The following SGIP1 variants were observed in gnomAD, a reference collection of about 807,000 sequenced individuals.
The protein encoded by SGIP1 is SH3GL interacting endocytic adaptor 1.
SGIP1 carries 38 observed loss-of-function variants against 107.5 expected under a neutral mutation model. That is an observed-to-expected ratio of 0.35 (90% confidence interval 0.27 to 0.46). The LOEUF (loss-of-function observed/expected upper bound fraction) is 0.46. Ranked by LOEUF, SGIP1 falls within the 20% of genes least tolerant of loss-of-function variation. The pLI is 1.00. For missense variants in SGIP1, 929 were observed against 1,019.5 expected, an observed-to-expected ratio of 0.91 and a Z score of 1.21; for synonymous variants, 365 against 366.1, an observed-to-expected ratio of 1.00 and a Z score of 0.03.
chr1:66,571,273 A>G (rs2060340347), intron 1 of SGIP1, among the ~76,000 whole-genome samples: 1 of 152,032 alleles, frequency 6.6e-6, no homozygotes, highest in Non-Finnish European at 1.5e-5. Context: ...CAACGTTAAC[A>G]AGGTGGAGGG....
At chr1:66,578,134 G>A (rs1384185618) in intron 1 of SGIP1, among the ~76,000 whole-genome samples, 3 of 152,018 alleles carry the variant, frequency 2.0e-5, no homozygotes, top group Admixed American at 2.0e-4. Context: ...GCATTATTGG[G>A]GGTAGAAAAT....
chr1:66,663,094 C>G (rs559271650), intron 8 of SGIP1, among the ~76,000 whole-genome samples: 3 of 152,206 alleles, frequency 2.0e-5, no homozygotes, highest in East Asian at 1.9e-4. Flanking sequence ...GGATGCTCAT[C>G]ATCTCTCTGA....
At chr1:66,580,545 A>G (rs1246356461) in intron 1 of SGIP1, among the ~76,000 whole-genome samples, 1 of 152,156 alleles carries the variant, frequency 6.6e-6, no homozygotes, top group African/African-American at 2.4e-5. Context: ...GTTTATTTGT[A>G]CATCATCTGT....
intron 15 of SGIP1, among the ~76,000 whole-genome samples, chr1:66,685,557 AT>A (rs577903318): frequency 7.2e-5 from 11 of 152,208 alleles, no homozygotes; most frequent in Non-Finnish European, 1.5e-4. Context: ...TCAGTGCAAC[AT>A]TTTCCAACTT....
At chr1:66,596,159 G>T (rs139771178) in intron 1 of SGIP1, among the ~76,000 whole-genome samples, 1 of 152,224 alleles carries the variant, frequency 6.6e-6, no homozygotes, top group Non-Finnish European at 1.5e-5. Context: ...GGCAGCTGGC[G>T]TGCCCCAGCT....
intron 18 of SGIP1, among the ~76,000 whole-genome samples, chr1:66,703,473 C>A (rs977824973): frequency 6.6e-6 from 1 of 151,420 alleles, no homozygotes; most frequent in South Asian, 2.1e-4. Context: ...TAGAAAGATT[C>A]CTCAATTAAT....
intron 1 of SGIP1, among the ~76,000 whole-genome samples, chr1:66,576,540 G>A (rs1333542335): frequency 1.3e-5 from 2 of 152,130 alleles, no homozygotes; most frequent in East Asian, 1.9e-4. Flanking sequence ...ATGCACATGT[G>A]AACACTCAAG....
chr1:66,689,780 G>C (rs2089396065), intron 16 of SGIP1, among the ~76,000 whole-genome samples: 1 of 152,220 alleles, frequency 6.6e-6, no homozygotes, highest in African/African-American at 2.4e-5. Context: ...ACTTGTGGCA[G>C]AAGTAGATTT....
At chr1:66,671,916 T>C (rs1355214806) in intron 10 of SGIP1, 28 bp from the exon 11 acceptor site, 1 of 1,612,780 alleles carries the variant, frequency 6.2e-7, no homozygotes, top group Non-Finnish European at 8.5e-7. Flanking sequence ...AAAATTTGTC[T>C]AAAAAGTTCC....
intron 1 of SGIP1, among the ~76,000 whole-genome samples, chr1:66,604,846 C>G (rs2066522232): frequency 6.6e-6 from 1 of 152,244 alleles, no homozygotes; most frequent in Non-Finnish European, 1.5e-5. Flanking sequence ...CTCAAGCCAA[C>G]ATCCAATCAT....
At chr1:66,549,909 T>C (rs2057135445) in intron 1 of SGIP1, among the ~76,000 whole-genome samples, 1 of 152,136 alleles carries the variant, frequency 6.6e-6, no homozygotes, top group African/African-American at 2.4e-5. Context: ...CCTAAATAAG[T>C]GTCATCTAAA....
At chr1:66,533,648 CACTG>C (rs1197767563), upstream of SGIP1, 6 of 152,188 alleles carry the variant, frequency 3.9e-5, no homozygotes, top group African/African-American at 1.4e-4. Flanking sequence ...AGGCCACAGA[CACTG>C]ACATTTGGAA....
Position 66,683,700 on chromosome 1 carries a change from C to CTTTTTTTTTTTTTTTTTTTTTTTT in SGIP1, c.1315+1336_1315+1359dup, listed in dbSNP as rs869266510. 4.6e-4 allele frequency among the ~76,000 whole-genome samples: 28 copies of CTTTTTTTTTTTTTTTTTTTTTTTT among 61,392 alleles called. 6 individuals carry two copies. The East Asian group carries it at 7.7e-3, about 17-fold the overall frequency. The allele number at this position is 61,392 out of a possible 152,430, so 40.3% of individuals were successfully genotyped here. A position where few individuals can be genotyped will look rare whatever the true frequency, so the allele number is the denominator to read the frequency against. On this transcript the variant is annotated intron_variant, in intron 15 of 24. Coordinates refer to ENST00000371037, the MANE Select transcript of SGIP1 (RefSeq NM_032291.4). ...ACCACACTGTTTGTTTGTTTCTTTT[C>CTTTTTTTTTTTTTTTTTTTTTTTT]TTTTTTTTTTTTTTTTTTTTTTTTT...
chr1:66,570,883 T>C (rs2060288525), intron 1 of SGIP1, among the ~76,000 whole-genome samples: 1 of 151,924 alleles, frequency 6.6e-6, no homozygotes, highest in South Asian at 2.1e-4. Context: ...TCATATCCAC[T>C]TCATCTCCCC....
At chr1:66,603,831 G>T (rs1476275679) in intron 1 of SGIP1, among the ~76,000 whole-genome samples, 18 of 152,076 alleles carry the variant, frequency 1.2e-4, no homozygotes, top group Admixed American at 1.2e-3. Flanking sequence ...AGTTGCTATG[G>T]AGTATTTTGT....
In SGIP1 at chr1:66,613,051, A is replaced by G. The variant is rs115950314; in HGVS notation, c.11-12796A>G. Among the ~76,000 whole-genome samples the G allele has an allele frequency of 1.4e-3, 210 of 152,366 alleles. 1 individual carries two copies. Among genetic ancestry groups the G allele is most frequent in the African/African-American group, 5.0e-3 (207 of 41,580 alleles). ...AGATATAGATCATAATTTAAATGCT[A>G]GCTTTTAAACAAGTATACAGCATAG... On this transcript the variant is annotated intron_variant, in intron 1 of 24. Coordinates refer to ENST00000371037, the MANE Select transcript of SGIP1 (RefSeq NM_032291.4).
chr1:66,603,514 C>T (rs1052040735), intron 1 of SGIP1, among the ~76,000 whole-genome samples: 17 of 152,066 alleles, frequency 1.1e-4, no homozygotes, highest in African/African-American at 4.1e-4. Context: ...AGAATATTCA[C>T]TTGTATTGCT....
chr1:66,671,059 A>G, intron 10 of SGIP1, 40 bp downstream of exon 10: 1 of 1,114,732 alleles, frequency 9.0e-7, no homozygotes, highest in Non-Finnish European at 1.3e-6. Context: ...GTATGATTTA[A>G]AAGAAAGAAC....
upstream of SGIP1, chr1:66,534,033 A>C: frequency 2.2e-5 from 9 of 415,044 alleles, no homozygotes; most frequent in East Asian, 4.6e-5. Context: ...CTCCGGGGGT[A>C]TTGTGTCAGG....
Sources: gnomAD v4.1 joint callset for allele counts (sites outside exome capture counted in the v4.1 genomes callset) on GRCh38, gnomAD v4.1.1 for gene constraint, MANE v1.5 for transcripts, NCBI Gene and HGNC (gene_info 2026-07-23, HGNC 2026-07-21) for gene names.